Variants in GLIS3 observed in about 807,000 individuals in gnomAD.
The protein encoded by GLIS3 is GLIS family zinc finger 3, also known as zinc finger protein GLIS3.
GLIS3 carries 53 observed loss-of-function variants against 78.6 expected under a neutral mutation model. The ratio of observed to expected loss-of-function variants is 0.67; its 90% confidence interval spans 0.54 to 0.85. The LOEUF (loss-of-function observed/expected upper bound fraction) is 0.85. Ranked by LOEUF, GLIS3 falls within the 40% of genes least tolerant of loss-of-function variation. GLIS3 has a pLI of 0.00. For synonymous variants in GLIS3, 684 were observed against 509.9 expected, an observed-to-expected ratio of 1.34 and a Z score of -4.60; for missense variants, 1,703 against 1,231.1, an observed-to-expected ratio of 1.38 and a Z score of -5.74.
At chr9:4,017,453 CAT>C (rs1038178178) in intron 4 of GLIS3, among the ~76,000 whole-genome samples, 37 of 152,270 alleles carry the variant, frequency 2.4e-4, no homozygotes, top group Middle Eastern at 3.4e-3. Flanking sequence ...CACACACACA[CAT>C]GAGCGCGCGT....
At chr9:3,936,682 G>A (rs1261071765) in intron 5 of GLIS3, among the ~76,000 whole-genome samples, 3 of 151,920 alleles carry the variant, frequency 2.0e-5, no homozygotes, top group Non-Finnish European at 4.4e-5. Flanking sequence ...GTACCGACTT[G>A]ATATCTCAAT....
chr9:4,431,437 G>T, the GLIS3 span, among the ~76,000 whole-genome samples: 2 of 147,556 alleles, frequency 1.4e-5, no homozygotes, highest in East Asian at 2.0e-4. Context: ...TAGATTGACT[G>T]GATTGGGGAA....
At position 4,300,067 on chromosome 9, in the gene GLIS3, G is replaced by GACA. The variant is rs558491070; in HGVS notation, c.-746_-745insTGT. On this transcript the variant is annotated 5_prime_UTR_variant, in exon 1 of 11. The change creates a new upstream start codon in the 5' untranslated region. Transcript: ENST00000381971. ...AGCCGGGCGAGGAGTGTGGATGTGT[G>GACA]TGCGGCCGCGAGGGCCGGCCTGTAG... Among the ~76,000 whole-genome samples the GACA allele has an allele frequency of 6.6e-6, 1 of 151,798 alleles. No individual in the cohort carries two copies. The highest frequency in any genetic ancestry group is 2.1e-4 in the South Asian group (1 of 4,784).
the GLIS3 span, among the ~76,000 whole-genome samples, chr9:4,369,007 C>A: frequency 6.6e-6 from 1 of 152,044 alleles, no homozygotes; most frequent in Non-Finnish European, 1.5e-5. Context: ...TTCTTTTTTC[C>A]TGAAAATTTT....
rs199788224 is a variant in GLIS3, at chr9:4,286,320, C to T, written c.106G>A (p.Gly36Arg). The T allele has an allele frequency of 1.1e-4, 179 of 1,613,136 alleles. No homozygotes were observed. The highest frequency in any genetic ancestry group is 1.5e-4 in the Admixed American group (9 of 59,958). Reference protein sequence around the residue: ...HHIPAIRAHSGTPGPSPCGST... With the variant: ...HHIPAIRAHSRTPGPSPCGST... ...CCACAGGGCGAGGGGCCAGGAGTCCCGGAGTGGGCTCGGATGGCAGGAATG... is the reference window on the plus strand; with the variant it reads ...CCACAGGGCGAGGGGCCAGGAGTCCTGGAGTGGGCTCGGATGGCAGGAATG... The change falls in exon 2 of 11, where the codon GGG becomes AGG. Residue 36 changes from glycine (G) to arginine (R), a missense_variant. By Grantham distance (125) the Gly-to-Arg change is moderately radical. Coordinates refer to ENST00000381971, the MANE Select transcript of GLIS3 (RefSeq NM_001042413.2).
chr9:4,250,490 A>T (rs1018828615), intron 2 of GLIS3, among the ~76,000 whole-genome samples: 1 of 151,730 alleles, frequency 6.6e-6, no homozygotes, highest in African/African-American at 2.4e-5. Flanking sequence ...TATTGTGTCT[A>T]TTTGATTATT....
rs544811282 is a variant in GLIS3 at position 3,872,682 on chromosome 9, C to G, written c.2297+6745G>C. Among the ~76,000 whole-genome samples the G allele has an allele frequency of 2.6e-5, 4 of 152,280 alleles. No individual in the cohort carries two copies. The East Asian group carries it at 7.7e-4, about 29-fold the overall frequency. ...CTCCCAACAGATCCCTCCCACAACA[C>G]GTAGGAATTATGGGAATACAATTCA... On this transcript the variant is annotated intron_variant, in intron 8 of 10. Transcript: ENST00000381971.
Position 4,166,280 on chromosome 9 carries a change from G to A in GLIS3, c.389-40339C>T, listed in dbSNP as rs991198844. ...GATCTATAGGGTTGATGGTGACTAGGAGCAACTCAGATCCTTTCCCAGGAT... is the reference window on the plus strand; with the variant it reads ...GATCTATAGGGTTGATGGTGACTAGAAGCAACTCAGATCCTTTCCCAGGAT... On this transcript the variant is annotated intron_variant, in intron 2 of 10. Coordinates refer to ENST00000381971, the MANE Select transcript of GLIS3 (RefSeq NM_001042413.2). 3.9e-4 allele frequency among the ~76,000 whole-genome samples: 60 copies of A among 152,084 alleles called. 1 individual carries two copies. Among genetic ancestry groups the A allele is most frequent in the South Asian group, 8.3e-4 (4 of 4,810 alleles).
At chr9:4,459,635 C>T in the GLIS3 span, among the ~76,000 whole-genome samples, 1 of 152,042 alleles carries the variant, frequency 6.6e-6, no homozygotes, top group Non-Finnish European at 1.5e-5. Flanking sequence ...CATGGTGGTA[C>T]ACGCCTGTGG....
chr9:4,033,813 C>T (rs1824061365), intron 4 of GLIS3, among the ~76,000 whole-genome samples: 1 of 127,344 alleles, frequency 7.9e-6, no homozygotes. Context: ...CTTTCATGCA[C>T]ATGGCAACAC....
At chr9:3,893,210 T>C (rs1490599488) in intron 7 of GLIS3, among the ~76,000 whole-genome samples, 1 of 152,156 alleles carries the variant, frequency 6.6e-6, no homozygotes, top group East Asian at 1.9e-4. Flanking sequence ...CTCAATGAGG[T>C]ACGGAATTGT....
At chr9:4,409,159 C>G in the GLIS3 span, among the ~76,000 whole-genome samples, 1 of 152,124 alleles carries the variant, frequency 6.6e-6, no homozygotes, top group Non-Finnish European at 1.5e-5. Context: ...CTTATATAAG[C>G]AAGACCTTAA....
At chr9:4,274,261 C>G (rs1826790059) in intron 2 of GLIS3, among the ~76,000 whole-genome samples, 1 of 152,150 alleles carries the variant, frequency 6.6e-6, no homozygotes, top group Non-Finnish European at 1.5e-5. Context: ...TTGTGGGGAC[C>G]AGTGCCAAAC....
At chr9:4,366,739 G>C in the GLIS3 span, among the ~76,000 whole-genome samples, 1 of 152,212 alleles carries the variant, frequency 6.6e-6, no homozygotes, top group African/African-American at 2.4e-5. Context: ...GTGCCAGTAA[G>C]TTCTGGACAT....
the GLIS3 span, among the ~76,000 whole-genome samples, chr9:4,360,557 T>G: frequency 6.6e-6 from 1 of 152,234 alleles, no homozygotes; most frequent in Non-Finnish European, 1.5e-5. Context: ...TCTCATTTAT[T>G]CCTCACCTTA....
intron 4 of GLIS3, among the ~76,000 whole-genome samples, chr9:4,037,604 G>A (rs1232218465): frequency 2.1e-5 from 3 of 142,186 alleles, no homozygotes; most frequent in Non-Finnish European, 4.5e-5. Context: ...AATCCTGGGG[G>A]AACTTTCACA....
intron 4 of GLIS3, among the ~76,000 whole-genome samples, chr9:3,991,055 C>A (rs1324425722): frequency 6.6e-6 from 1 of 152,176 alleles, no homozygotes; most frequent in Non-Finnish European, 1.5e-5. Context: ...CTCTTTATCA[C>A]AACTAATTCT....
intron 1 of GLIS3, among the ~76,000 whole-genome samples, chr9:4,287,443 A>G (rs895803527): frequency 2.0e-5 from 3 of 152,204 alleles, no homozygotes; most frequent in African/African-American, 7.2e-5. Flanking sequence ...ATCACTAAAG[A>G]AGGCCCCTCC....
At chr9:4,432,532 A>G in the GLIS3 span, among the ~76,000 whole-genome samples, 1 of 152,176 alleles carries the variant, frequency 6.6e-6, no homozygotes, top group African/African-American at 2.4e-5. Flanking sequence ...TTCAGCAGCA[A>G]TAGGGACCCA....
Sources: allele counts gnomAD v4.1 joint callset (sites outside exome capture counted in the v4.1 genomes callset), GRCh38; gene constraint gnomAD v4.1.1; transcripts MANE v1.5; gene names NCBI Gene and HGNC (gene_info 2026-07-23, HGNC 2026-07-21).